Variants in ACSL3 observed in about 807,000 individuals in gnomAD.
The protein encoded by ACSL3 is fatty acid CoA ligase Acsl3.
Under a neutral mutation model 84.7 loss-of-function variants are expected in ACSL3, and 34 were observed. The observed-to-expected ratio is 0.40, with a 90% confidence interval of 0.31 to 0.53. The LOEUF (loss-of-function observed/expected upper bound fraction) is 0.53. ACSL3 is among the 20% of genes least tolerant of loss of function. ACSL3 has a pLI of 0.48. For synonymous variants in ACSL3, 315 were observed against 299.4 expected (o/e 1.05, Z -0.54); for missense variants, 680 against 873.1 (o/e 0.78, Z 2.79).
intron 4 of ACSL3, among the ~76,000 whole-genome samples, chr2:222,915,856 G>A (rs1311093137): frequency 6.6e-6 from 1 of 152,212 alleles, no homozygotes; most frequent in Non-Finnish European, 1.5e-5. Flanking sequence ...GAAAGTTTCT[G>A]TGAATCATTT....
chr2:222,885,819 C>G (rs181919752), intron 1 of ACSL3, among the ~76,000 whole-genome samples: 1 of 151,980 alleles, frequency 6.6e-6, no homozygotes, highest in Non-Finnish European at 1.5e-5. Context: ...CTCGGCTTAA[C>G]GCAACCTCTG....
chr2:222,899,254 A>G (rs929336656), intron 2 of ACSL3, among the ~76,000 whole-genome samples: 42 of 152,202 alleles, frequency 2.8e-4, no homozygotes, highest in African/African-American at 9.9e-4. Context: ...TTAGCTGTTC[A>G]AGTTTACTTT....
chr2:222,938,973 T>G (rs1345067125), intron 16 of ACSL3, among the ~76,000 whole-genome samples: 2 of 152,158 alleles, frequency 1.3e-5, no homozygotes, highest in Non-Finnish European at 2.9e-5. Flanking sequence ...TTAAAAAAAT[T>G]TCTTTCATTT....
intron 14 of ACSL3, among the ~76,000 whole-genome samples, chr2:222,931,219 C>T (rs1281904151): frequency 6.6e-6 from 1 of 152,068 alleles, no homozygotes. Context: ...TCTGCTTCTC[C>T]TTTTAGGTTC....
At chr2:222,928,695 T>A (rs1696946829) in intron 12 of ACSL3, among the ~76,000 whole-genome samples, 167 bp from the exon 13 acceptor site, 2 of 151,696 alleles carry the variant, frequency 1.3e-5, no homozygotes, top group Admixed American at 6.6e-5. Context: ...AAAATACGAC[T>A]CTACAGGCCT....
Position 222,900,730 on chromosome 2 carries a change from CAG to C in ACSL3, c.-89_-88del. The stretch of plus-strand genomic sequence containing the variant: ...AAACAGCTGTAACATTTGCCACCCT[CAG>C]AAGCTGCTGGTCCTGTGTCACACCA... On this transcript the variant is annotated 5_prime_UTR_variant, in exon 3 of 17. Coordinates refer to ENST00000357430, the MANE Select transcript of ACSL3 (RefSeq NM_004457.5). 6.6e-6 allele frequency: 1 copy of C among 152,330 alleles called. No homozygotes were observed. Among genetic ancestry groups the C allele is most frequent in the East Asian group, 1.9e-4 (1 of 5,182 alleles). The allele number at this position is 152,330 out of a possible 1,614,324, so 9.4% of individuals were successfully genotyped here. A position where few individuals can be genotyped will look rare whatever the true frequency, so the allele number is the denominator to read the frequency against.
chr2:222,900,502 A>G (rs1696113725), intron 2 of ACSL3, among the ~76,000 whole-genome samples, 172 bp from the exon 3 acceptor site: 2 of 151,970 alleles, frequency 1.3e-5, no homozygotes, highest in Admixed American at 6.6e-5. Context: ...ACTCACAGGA[A>G]TCTTAAACCC....
intron 7 of ACSL3, 56 bp from the exon 8 acceptor site, chr2:222,921,224 T>C (rs930314570): frequency 2.8e-5 from 44 of 1,548,742 alleles, no homozygotes; most frequent in Non-Finnish European, 3.5e-5. Context: ...AAAGAAATTG[T>C]TGATACAGCT....
At position 222,942,066 on chromosome 2, in the gene ACSL3, T is replaced by TA. The variant is rs1363460134; in HGVS notation, c.*413dup. On this transcript the variant is annotated 3_prime_UTR_variant, in exon 17 of 17. Transcript: ENST00000357430. Reference sequence around the variant, plus strand: ...TTGGTTATTTGGGGGCTTTTTTACTTACTGTATTTAAAAATACAAGGGTAT... The same window carrying TA: ...TTGGTTATTTGGGGGCTTTTTTACTTAACTGTATTTAAAAATACAAGGGTAT... The TA allele has an allele frequency of 4.6e-6, 1 of 218,002 alleles. No individual in the cohort carries two copies. Among genetic ancestry groups the TA allele is most frequent in the Non-Finnish European group, 9.2e-6 (1 of 108,242 alleles). 13.5% of individuals were successfully genotyped at this position (218,002 alleles called of 1,614,324 possible). A position where few individuals can be genotyped will look rare whatever the true frequency, so the allele number is the denominator to read the frequency against.
intron 4 of ACSL3, 38 bp from the exon 5 acceptor site, chr2:222,916,279 ATT>A (rs761214549): frequency 3.0e-6 from 4 of 1,313,158 alleles, no homozygotes; most frequent in Non-Finnish European, 4.1e-6. Flanking sequence ...GTAAATTATT[ATT>A]TTGATTACAT....
intron 2 of ACSL3, among the ~76,000 whole-genome samples, chr2:222,900,132 C>G (rs146223159): frequency 7.2e-5 from 11 of 152,230 alleles, no homozygotes; most frequent in African/African-American, 2.2e-4. Context: ...TGCGGTTGTC[C>G]AAATTTGTTA....
At chr2:222,906,188 G>T (rs918146029) in intron 3 of ACSL3, among the ~76,000 whole-genome samples, 3 of 152,158 alleles carry the variant, frequency 2.0e-5, no homozygotes, top group Non-Finnish European at 4.4e-5. Context: ...TTACACTGAG[G>T]TTTGTTTATT....
intron 5 of ACSL3, 68 bp from the exon 6 acceptor site, chr2:222,917,978 A>G (rs1309411221): frequency 3.5e-6 from 4 of 1,133,468 alleles, no homozygotes; most frequent in Non-Finnish European, 5.3e-6. Context: ...ATTCATCTCC[A>G]CATTCAGAGA....
intron 4 of ACSL3, chr2:222,909,817 T>C (rs1305112199): frequency 6.6e-6 from 1 of 152,340 alleles, no homozygotes; most frequent in African/African-American, 2.4e-5. Flanking sequence ...AGAGCCAAGC[T>C]GTTCTAAGAG....
At chr2:222,878,800 A>C (rs1359683716) in intron 1 of ACSL3, among the ~76,000 whole-genome samples, 1 of 152,134 alleles carries the variant, frequency 6.6e-6, no homozygotes, top group Non-Finnish European at 1.5e-5. Flanking sequence ...CATTCTGGAA[A>C]TGTAGACTTT....
At position 222,872,756 on chromosome 2, in the gene ACSL3, A is replaced by G. The variant is rs1433899757; in HGVS notation, c.-207+11498A>G. Among the ~76,000 whole-genome samples, 3 of 151,942 alleles carry G rather than the reference A, an allele frequency of 2.0e-5. No individual in the cohort carries two copies. In the East Asian group the frequency reaches 5.8e-4, roughly 29 times the overall value. Reference sequence around the variant, plus strand: ...GGCTTCTCTGAGGAAGTGGCATCCAACTGATCTAGGAGAAGGGGGATGGTA... The same window carrying G: ...GGCTTCTCTGAGGAAGTGGCATCCAGCTGATCTAGGAGAAGGGGGATGGTA... On this transcript the variant is annotated intron_variant, in intron 1 of 16. Coordinates refer to ENST00000357430, the MANE Select transcript of ACSL3 (RefSeq NM_004457.5).
At chr2:222,882,771 T>TTTTTG (rs1695623266) in intron 1 of ACSL3, among the ~76,000 whole-genome samples, 1 of 144,066 alleles carries the variant, frequency 6.9e-6, no homozygotes, top group African/African-American at 2.8e-5. Context: ...GTTTTTTTTT[T>TTTTTG]TTTTTTTTTG....
rs549529940 is a variant in ACSL3, at chr2:222,877,214, A to C, written c.-206-10616A>C. ...GTTCTGGATGAGGTCAAAGGATTGAAGTGAAAGAGTTGGTGGAATAGGACT... is the reference window on the plus strand; with the variant it reads ...GTTCTGGATGAGGTCAAAGGATTGACGTGAAAGAGTTGGTGGAATAGGACT... On this transcript the variant is annotated intron_variant, in intron 1 of 16. Coordinates refer to ENST00000357430, the MANE Select transcript of ACSL3 (RefSeq NM_004457.5). 6.6e-5 allele frequency among the ~76,000 whole-genome samples: 10 copies of C among 152,346 alleles called. No homozygotes were observed. In the South Asian group the frequency reaches 1.9e-3, roughly 28 times the overall value.
chr2:222,894,444 G>A (rs1240239226), intron 2 of ACSL3, among the ~76,000 whole-genome samples: 1 of 152,236 alleles, frequency 6.6e-6, no homozygotes, highest in Non-Finnish European at 1.5e-5. Context: ...CACATTTCAA[G>A]TGTTTGAACC....
Sources: allele counts gnomAD v4.1 joint callset (sites outside exome capture counted in the v4.1 genomes callset), GRCh38; gene constraint gnomAD v4.1.1; transcripts MANE v1.5; gene names NCBI Gene and HGNC (gene_info 2026-07-23, HGNC 2026-07-21).